CADPS2: variants seen among roughly 807,000 people sequenced by gnomAD.
The protein encoded by CADPS2 is calcium-dependent secretion activator 2.
CADPS2 carries 93 observed loss-of-function variants against 172.5 expected under a neutral mutation model. The observed-to-expected ratio is 0.54, with a 90% CI of 0.46 to 0.64. The LOEUF (loss-of-function observed/expected upper bound fraction) is 0.64, where lower values mean the gene tolerates loss of function less well. Among genes scored for constraint, CADPS2 ranks in the 30% least tolerant of loss-of-function variants. CADPS2 has a pLI of 0.00. For missense variants in CADPS2, 1,420 were observed against 1,565.9 expected (o/e 0.91, Z 1.57); for synonymous variants, 546 against 555.2 (o/e 0.98, Z 0.23).
chr7:122,623,824 G>A (rs78661139), intron 4 of CADPS2, among the ~76,000 whole-genome samples: 4,196 of 152,186 alleles, frequency 0.028, 82 homozygotes, highest in South Asian at 0.092. Context: ...AGAAAAAGGC[G>A]AGCATGTCAC....
At chr7:122,576,916 C>G (rs549888327) in intron 7 of CADPS2, among the ~76,000 whole-genome samples, 1 of 151,848 alleles carries the variant, frequency 6.6e-6, no homozygotes, top group Non-Finnish European at 1.5e-5. Flanking sequence ...CCCACCACCA[C>G]GCCTGGATAA....
intron 20 of CADPS2, among the ~76,000 whole-genome samples, chr7:122,398,847 T>C (rs1205728050): frequency 6.9e-6 from 1 of 145,040 alleles, no homozygotes; most frequent in Admixed American, 7.1e-5. Flanking sequence ...GCACATTAAG[T>C]AGGCACTCTA....
intron 3 of CADPS2, among the ~76,000 whole-genome samples, chr7:122,659,310 T>TA (rs34582432): frequency 0.19 from 24,341 of 128,960 alleles, 2,549 homozygotes; most frequent in Admixed American, 0.24. Flanking sequence ...ATGCTAGACA[T>TA]AAAAAAAAAA....
intron 7 of CADPS2, among the ~76,000 whole-genome samples, chr7:122,554,965 T>C (rs1000311529): frequency 1.3e-5 from 2 of 152,106 alleles, no homozygotes; most frequent in Non-Finnish European, 2.9e-5. Context: ...CACAGTTGAA[T>C]TGACGTTGAA....
chr7:122,644,321 T>A (rs2078058821), intron 3 of CADPS2, among the ~76,000 whole-genome samples: 1 of 152,194 alleles, frequency 6.6e-6, no homozygotes, highest in African/African-American at 2.4e-5. Flanking sequence ...GAATCATGTA[T>A]TTCTCTTGCC....
At chr7:122,651,433 T>C (rs2079137535) in intron 3 of CADPS2, among the ~76,000 whole-genome samples, 1 of 152,210 alleles carries the variant, frequency 6.6e-6, no homozygotes, top group Non-Finnish European at 1.5e-5. Flanking sequence ...CCACAGCAAC[T>C]GCCTATTTAT....
chr7:122,839,915 C>T (rs1490090202), intron 1 of CADPS2, among the ~76,000 whole-genome samples: 1 of 152,202 alleles, frequency 6.6e-6, no homozygotes, highest in African/African-American at 2.4e-5. Flanking sequence ...TTTGACCCAG[C>T]CATCCCATTA....
intron 2 of CADPS2, among the ~76,000 whole-genome samples, chr7:122,668,518 G>A (rs948778259): frequency 6.6e-6 from 1 of 152,072 alleles, no homozygotes; most frequent in African/African-American, 2.4e-5. Context: ...TGGTGTCAGA[G>A]TAGACTGCTA....
intron 1 of CADPS2, among the ~76,000 whole-genome samples, chr7:122,862,892 T>G (rs929822275): frequency 6.6e-6 from 1 of 152,154 alleles, no homozygotes; most frequent in Non-Finnish European, 1.5e-5. Flanking sequence ...TAGATATAAC[T>G]AGTCAAGAAG....
intron 2 of CADPS2, among the ~76,000 whole-genome samples, chr7:122,692,403 C>T (rs1464483111): frequency 1.3e-5 from 2 of 152,208 alleles, no homozygotes; most frequent in East Asian, 1.9e-4. Context: ...ACTGGGCATG[C>T]AATTCCTGCA....
At chr7:122,645,471 A>G (rs2078343188) in intron 3 of CADPS2, among the ~76,000 whole-genome samples, 2 of 96,744 alleles carry the variant, frequency 2.1e-5, no homozygotes, top group African/African-American at 3.3e-5. Context: ...ATGTGTATAT[A>G]TGTATATATA....
rs540792849 is a variant in CADPS2 at position 122,407,906 on chromosome 7, A to T, written c.2590-210T>A. The T allele has an allele frequency of 8.5e-5, 44 of 520,194 alleles. No individual in the cohort carries two copies. In the East Asian group the frequency reaches 1.4e-3, roughly 16 times the overall value. The allele number at this position is 520,194 out of a possible 1,614,324, so 32.2% of individuals were successfully genotyped here. A position where few individuals can be genotyped will look rare whatever the true frequency, so the allele number is the denominator to read the frequency against. On this transcript the variant is annotated intron_variant, in intron 19 of 29. Transcript: ENST00000449022. Reference sequence around the variant, plus strand: ...CACTGAGGAATGAAATAGAAAATAGAATTAAAATGTACAAGGACATTTATT... The same window carrying T: ...CACTGAGGAATGAAATAGAAAATAGTATTAAAATGTACAAGGACATTTATT...
At chr7:122,737,129 T>G (rs1296967431) in intron 1 of CADPS2, 61 bp from the exon 2 acceptor site, 1 of 812,148 alleles carries the variant, frequency 1.2e-6, no homozygotes, top group Non-Finnish European at 2.1e-6. Context: ...ATAATGACTA[T>G]TAAAAATCAT....
chr7:122,600,031 T>C (rs934979765), intron 6 of CADPS2, among the ~76,000 whole-genome samples: 2 of 152,232 alleles, frequency 1.3e-5, no homozygotes, highest in Non-Finnish European at 2.9e-5. Flanking sequence ...AGTGGTGCTA[T>C]AAAACTGTGA....
At chr7:122,545,340 G>T (rs1007832374) in intron 8 of CADPS2, among the ~76,000 whole-genome samples, 1 of 152,104 alleles carries the variant, frequency 6.6e-6, no homozygotes, top group Non-Finnish European at 1.5e-5. Flanking sequence ...GTGTAACCTG[G>T]TACTAGAGTG....
At chr7:122,850,285 C>A in intron 1 of CADPS2, 1 of 670,098 alleles carries the variant, frequency 1.5e-6, no homozygotes. Flanking sequence ...TCCCCAGCAG[C>A]CTCCTTTCAG....
intron 2 of CADPS2, among the ~76,000 whole-genome samples, chr7:122,724,513 G>A (rs867969476): frequency 6.6e-6 from 1 of 152,052 alleles, no homozygotes; most frequent in Non-Finnish European, 1.5e-5. Context: ...AAGGAATGCT[G>A]TAGGTAATAA....
At chr7:122,827,193 C>T (rs1031166429) in intron 1 of CADPS2, among the ~76,000 whole-genome samples, 6 of 151,994 alleles carry the variant, frequency 3.9e-5, no homozygotes, top group African/African-American at 1.5e-4. Context: ...TGTACCAATT[C>T]CTGAAGAAAC....
At chr7:122,616,475 ATTTG>A (rs2074938208) in intron 5 of CADPS2, among the ~76,000 whole-genome samples, 1 of 152,128 alleles carries the variant, frequency 6.6e-6, no homozygotes, top group African/African-American at 2.4e-5. Flanking sequence ...ATGAATGTGT[ATTTG>A]TTTTTTGTTA....
Sources: allele counts gnomAD v4.1 joint callset (sites outside exome capture counted in the v4.1 genomes callset), GRCh38; gene constraint gnomAD v4.1.1; transcripts MANE v1.5; gene names NCBI Gene and HGNC (gene_info 2026-07-23, HGNC 2026-07-21).